The following PAPPA2 variants were observed in gnomAD, a reference collection of about 807,000 sequenced individuals.
The protein encoded by PAPPA2 is pappalysin-2.
Under a neutral mutation model 176.4 loss-of-function variants are expected in PAPPA2, and 86 were observed. The observed-to-expected ratio is 0.49, with a 90% CI of 0.41 to 0.58. The LOEUF is 0.58. Ranked by LOEUF, PAPPA2 falls within the 20% of genes least tolerant of loss-of-function variation. PAPPA2 has a pLI of 0.00. For synonymous variants in PAPPA2, 809 were observed against 852.2 expected, an observed-to-expected ratio of 0.95 and a Z score of 0.88; for missense variants, 2,073 against 2,256.9, an observed-to-expected ratio of 0.92 and a Z score of 1.65.
At chr1:176,600,083 T>C (rs1654223733) in intron 3 of PAPPA2, among the ~76,000 whole-genome samples, 1 of 152,184 alleles carries the variant, frequency 6.6e-6, no homozygotes, top group Non-Finnish European at 1.5e-5. Context: ...GCTTCTATGA[T>C]GTGTCAGGCA....
chr1:176,739,983 C>G lies in PAPPA2; in HGVS notation c.3938C>G (p.Thr1313Ser). ...ATTCATCTCCGTTTATCTTCAGGAACCTATGGACTGTCATGCCAGCATAAT... is the reference window on the plus strand; with the variant it reads ...ATTCATCTCCGTTTATCTTCAGGAAGCTATGGACTGTCATGCCAGCATAAT... ...DVRGSNHSLG[T>S]YGLSCQHNPL... is the part of the protein sequence containing the mutation. Residue 1313 changes from threonine to serine, a missense_variant, in exon 14 of 23, where the codon ACC becomes AGC. Thr to Ser is a moderately conservative substitution (Grantham distance 58). Transcript: ENST00000367662. The G allele has an allele frequency of 9.9e-6, 16 of 1,613,730 alleles. No homozygotes were observed. The highest frequency in any genetic ancestry group is 1.4e-5 in the Non-Finnish European group (16 of 1,179,720).
intron 1 of PAPPA2, among the ~76,000 whole-genome samples, chr1:176,469,129 T>C (rs1025621782): frequency 6.6e-6 from 1 of 152,234 alleles, no homozygotes; most frequent in Non-Finnish European, 1.5e-5. Context: ...GGAAGAGCAT[T>C]GGTCTCAATA....
intron 22 of PAPPA2, 121 bp from the exon 23 acceptor site, chr1:176,842,259 T>G: frequency 1.2e-6 from 1 of 850,070 alleles, no homozygotes. Context: ...ATTTCCAGTT[T>G]GTGATATTGG....
At chr1:176,469,881 G>A (rs757108203) in intron 1 of PAPPA2, among the ~76,000 whole-genome samples, 7 of 152,126 alleles carry the variant, frequency 4.6e-5, no homozygotes, top group Non-Finnish European at 8.8e-5. Flanking sequence ...TCACTCTAAC[G>A]TGTGAAATGT....
intron 1 of PAPPA2, among the ~76,000 whole-genome samples, chr1:176,491,883 G>A (rs1250296661): frequency 6.6e-6 from 1 of 152,194 alleles, no homozygotes; most frequent in East Asian, 1.9e-4. Flanking sequence ...AAATGATTTA[G>A]CAAAGGTCAC....
chr1:176,573,255 G>A (rs1228723189), intron 2 of PAPPA2, among the ~76,000 whole-genome samples: 1 of 152,182 alleles, frequency 6.6e-6, no homozygotes, highest in East Asian at 1.9e-4. Context: ...ATCCTGTTGT[G>A]CTACTGGAAT....
intron 1 of PAPPA2, among the ~76,000 whole-genome samples, chr1:176,551,090 C>T (rs1055218749): frequency 3.3e-5 from 5 of 151,838 alleles, no homozygotes; most frequent in Non-Finnish European, 2.9e-5. Context: ...CCCTTACCTG[C>T]GAAAAAAGGG....
intron 2 of PAPPA2, among the ~76,000 whole-genome samples, chr1:176,584,127 G>A (rs1016313850): frequency 1.3e-5 from 2 of 152,180 alleles, no homozygotes; most frequent in African/African-American, 4.8e-5. Flanking sequence ...AAAAGAATGT[G>A]TATTCTGCAG....
chr1:176,567,934 T>C (rs1443132095), intron 2 of PAPPA2, among the ~76,000 whole-genome samples: 3 of 152,260 alleles, frequency 2.0e-5, no homozygotes, highest in African/African-American at 4.8e-5. Flanking sequence ...AGTAGGTGCA[T>C]TGGATTTAGC....
At chr1:176,490,249 A>G (rs1276325118) in intron 1 of PAPPA2, among the ~76,000 whole-genome samples, 4 of 151,656 alleles carry the variant, frequency 2.6e-5, no homozygotes, top group South Asian at 2.1e-4. Context: ...AAAGGATTTG[A>G]TAAACTAGTT....
chr1:176,820,827 A>G (rs1666635480), intron 21 of PAPPA2, among the ~76,000 whole-genome samples: 1 of 152,130 alleles, frequency 6.6e-6, no homozygotes, highest in African/African-American at 2.4e-5. Context: ...AAGAAAAGAG[A>G]AAAAGAAAGA....
At chr1:176,838,242 T>C (rs1398812639) in intron 21 of PAPPA2, among the ~76,000 whole-genome samples, 1 of 152,218 alleles carries the variant, frequency 6.6e-6, no homozygotes, top group East Asian at 1.9e-4. Context: ...GAAAAATTCC[T>C]TGGGATCCTT....
chr1:176,568,139 A>G (rs1284292999), intron 2 of PAPPA2, among the ~76,000 whole-genome samples: 2 of 152,212 alleles, frequency 1.3e-5, no homozygotes, highest in Admixed American at 6.5e-5. Context: ...GAGAGATTTT[A>G]TTTTAAATTC....
intron 14 of PAPPA2, among the ~76,000 whole-genome samples, chr1:176,763,803 G>A (rs1353202249): frequency 1.3e-5 from 2 of 152,162 alleles, no homozygotes; most frequent in Non-Finnish European, 2.9e-5. Flanking sequence ...AAATTTCACT[G>A]GGAAGTTCAA....
At chr1:176,776,172 A>G (rs1664450868) in intron 17 of PAPPA2, among the ~76,000 whole-genome samples, 1 of 152,190 alleles carries the variant, frequency 6.6e-6, no homozygotes, top group Admixed American at 6.5e-5. Flanking sequence ...CAATAAAACC[A>G]TATTATATTC....
chr1:176,682,828 A>G (rs961403626), intron 4 of PAPPA2, among the ~76,000 whole-genome samples: 1 of 151,930 alleles, frequency 6.6e-6, no homozygotes, highest in Non-Finnish European at 1.5e-5. Flanking sequence ...TTGTCTGCTC[A>G]TTGTGGACAG....
intron 12 of PAPPA2, among the ~76,000 whole-genome samples, chr1:176,732,725 A>G (rs921172035): frequency 6.6e-6 from 1 of 152,190 alleles, no homozygotes; most frequent in African/African-American, 2.4e-5. Context: ...CTGTATGCAT[A>G]TTAAGGTTTG....
chr1:176,656,812 G>A (rs1658063647), intron 3 of PAPPA2, among the ~76,000 whole-genome samples: 1 of 150,592 alleles, frequency 6.6e-6, no homozygotes, highest in African/African-American at 2.4e-5. Context: ...CCAGAAGTCA[G>A]TTATTTTTGA....
intron 1 of PAPPA2, among the ~76,000 whole-genome samples, chr1:176,481,897 A>C (rs1652420524): frequency 6.6e-6 from 1 of 151,604 alleles, no homozygotes. Context: ...TTTTTAGTAG[A>C]GATCTGGTTT....
Sources: gnomAD v4.1 joint callset for allele counts (sites outside exome capture counted in the v4.1 genomes callset) on GRCh38, gnomAD v4.1.1 for gene constraint, MANE v1.5 for transcripts, NCBI Gene and HGNC (gene_info 2026-07-23, HGNC 2026-07-21) for gene names.